TEAD4: variants seen among roughly 807,000 people sequenced by gnomAD.
TEAD4 encodes TEA domain transcription factor 4, also known as transcriptional enhancer factor TEF-3.
TEAD4 carries 36 observed loss-of-function variants against 52.4 expected under a neutral mutation model. The ratio of observed to expected loss-of-function variants is 0.69; its 90% CI spans 0.53 to 0.91. The LOEUF (loss-of-function observed/expected upper bound fraction) is 0.91, where lower values mean the gene tolerates loss of function less well. Among genes scored for constraint, TEAD4 ranks in the 40% least tolerant of loss-of-function variants. The pLI, the probability that TEAD4 is intolerant of heterozygous loss-of-function variation, is 0.00. For missense variants in TEAD4, 508 were observed against 583.9 expected (o/e 0.87, Z 1.34); for synonymous variants, 220 against 231.0 (o/e 0.95, Z 0.43).
At chr12:2,970,684 C>T (rs1318980114) in intron 2 of TEAD4, among the ~76,000 whole-genome samples, 1 of 152,188 alleles carries the variant, frequency 6.6e-6, no homozygotes, top group Non-Finnish European at 1.5e-5. Flanking sequence ...CTACTCTTTG[C>T]TGTGAAGAGC....
chr12:3,040,652 C>A lies in TEAD4; in HGVS notation c.*174C>A. 1 of 621,032 alleles carries A rather than the reference C, an allele frequency of 1.6e-6. No individual in the cohort carries two copies. Among genetic ancestry groups the A allele is most frequent in the Non-Finnish European group, 2.9e-6 (1 of 348,210 alleles). The allele number at this position is 621,032 out of a possible 1,614,324, so 38.5% of individuals were successfully genotyped here. ...TGAGGTGCCCAACCCCAAATAAACC[C>A]AAGATGCTGTGTATTTTCAGAGGAC... is the stretch of plus-strand genomic sequence containing the variant. On this transcript the variant is annotated 3_prime_UTR_variant, in exon 13 of 13. Coordinates refer to ENST00000359864, the MANE Select transcript of TEAD4 (RefSeq NM_003213.4).
chr12:2,976,587 T>C (rs1337382828), intron 2 of TEAD4, among the ~76,000 whole-genome samples: 1 of 152,224 alleles, frequency 6.6e-6, no homozygotes, highest in Admixed American at 6.5e-5. Flanking sequence ...AAGGCCTCTG[T>C]TCACCACTTG....
intron 2 of TEAD4, among the ~76,000 whole-genome samples, chr12:2,984,569 C>T (rs995589031): frequency 2.0e-5 from 3 of 152,150 alleles, no homozygotes; most frequent in East Asian, 3.8e-4. Context: ...TGTCTCTTGG[C>T]GATTTCATCC....
At chr12:2,993,285 G>C (rs11062445) in intron 2 of TEAD4, among the ~76,000 whole-genome samples, 45,734 of 151,682 alleles carry the variant, frequency 0.3, 9,816 homozygotes, top group African/African-American at 0.6. Context: ...CGAGCTCCTG[G>C]TAACCACCAT....
intron 2 of TEAD4, among the ~76,000 whole-genome samples, chr12:2,993,962 C>A (rs147416105): frequency 2.3e-3 from 357 of 152,336 alleles, no homozygotes; most frequent in Non-Finnish European, 3.9e-3. Flanking sequence ...TTCATGCATT[C>A]ATCCATTGAT....
intron 2 of TEAD4, among the ~76,000 whole-genome samples, chr12:2,977,758 G>A (rs941367749): frequency 2.0e-5 from 3 of 152,146 alleles, no homozygotes; most frequent in Non-Finnish European, 2.9e-5. Flanking sequence ...GGCCTTTCCC[G>A]AGAACTTGTT....
rs1410988798 is a variant in TEAD4 at position 3,020,765 on chromosome 12, C to G, written c.715C>G (p.Pro239Ala). ...TGCCTTCCTGGAGCAGCAGCAGGAC[C>G]CGGACACGGTAGGTCCTGGCCTCTG... Residue 239 changes from proline to alanine, a missense_variant, in exon 9 of 13, where the codon CCG becomes GCG. Transcript: ENST00000359864. 1.9e-6 allele frequency: 3 copies of G among 1,605,570 alleles called. No homozygotes were observed. The highest frequency in any genetic ancestry group is 2.6e-6 in the Non-Finnish European group (3 of 1,175,838).
chr12:3,038,405 C>T (rs1380973933), intron 11 of TEAD4, among the ~76,000 whole-genome samples: 1 of 152,196 alleles, frequency 6.6e-6, no homozygotes, highest in Non-Finnish European at 1.5e-5. Flanking sequence ...GGGCATCTAC[C>T]TAGTCCAGCC....
chr12:2,985,400 C>CA (rs974724145), intron 2 of TEAD4, among the ~76,000 whole-genome samples: 6 of 149,550 alleles, frequency 4.0e-5, no homozygotes, highest in African/African-American at 1.5e-4. Context: ...AAACAAAAAA[C>CA]AAAAAACAAA....
intron 10 of TEAD4, among the ~76,000 whole-genome samples, chr12:3,036,895 A>G (rs763190890): frequency 4.6e-5 from 7 of 152,046 alleles, no homozygotes; most frequent in Admixed American, 1.3e-4. Flanking sequence ...GTTTGGGACA[A>G]GTATTGGGGT....
chr12:2,985,136 G>A (rs528382970), intron 2 of TEAD4, among the ~76,000 whole-genome samples: 1 of 152,220 alleles, frequency 6.6e-6, no homozygotes, highest in East Asian at 1.9e-4. Flanking sequence ...TGTAATCCCA[G>A]CACTTTGGGA....
chr12:3,024,604 C>G (rs1002490527), intron 10 of TEAD4, among the ~76,000 whole-genome samples: 4 of 152,062 alleles, frequency 2.6e-5, no homozygotes, highest in Non-Finnish European at 5.9e-5. Flanking sequence ...TTGCAGTGAG[C>G]CAAAATCGCA....
intron 2 of TEAD4, among the ~76,000 whole-genome samples, chr12:2,978,207 A>G (rs2098231284): frequency 6.6e-6 from 1 of 151,834 alleles, no homozygotes; most frequent in Non-Finnish European, 1.5e-5. Flanking sequence ...GCTTTAAACA[A>G]TTTTTTTGGT....
At chr12:2,979,182 C>T (rs2153953530) in intron 2 of TEAD4, among the ~76,000 whole-genome samples, 1 of 152,326 alleles carries the variant, frequency 6.6e-6, no homozygotes, top group African/African-American at 2.4e-5. Context: ...TCCCAAAGTG[C>T]TGGGATTACA....
intron 3 of TEAD4, among the ~76,000 whole-genome samples, chr12:2,996,127 G>A (rs2098246930): frequency 6.6e-6 from 1 of 152,170 alleles, no homozygotes; most frequent in Non-Finnish European, 1.5e-5. Flanking sequence ...GTGGTCTTGG[G>A]GCAGGAGTGA....
intron 3 of TEAD4, among the ~76,000 whole-genome samples, chr12:2,999,915 T>C (rs1330403803): frequency 1.3e-5 from 2 of 152,192 alleles, no homozygotes; most frequent in East Asian, 3.9e-4. Context: ...CCTTTCTGCC[T>C]CCTGTGCTTC....
intron 2 of TEAD4, among the ~76,000 whole-genome samples, chr12:2,960,925 T>C (rs1452374701): frequency 6.6e-6 from 1 of 152,156 alleles, no homozygotes; most frequent in Non-Finnish European, 1.5e-5. Context: ...CCGTTTCCCC[T>C]GGACCGGGCA....
chr12:3,011,754 T>C (rs566948407), intron 4 of TEAD4, among the ~76,000 whole-genome samples: 1 of 152,004 alleles, frequency 6.6e-6, no homozygotes, highest in South Asian at 2.1e-4. Context: ...CAACCTCCGC[T>C]TCCCAGGTTC....
intron 2 of TEAD4, among the ~76,000 whole-genome samples, chr12:2,989,945 GT>G (rs1377357898): frequency 6.6e-6 from 1 of 152,178 alleles, no homozygotes; most frequent in Non-Finnish European, 1.5e-5. Context: ...ATTGCCTGCT[GT>G]TTTCTCTTCA....
Sources: gnomAD v4.1 joint callset for allele counts (sites outside exome capture counted in the v4.1 genomes callset) on GRCh38, gnomAD v4.1.1 for gene constraint, MANE v1.5 for transcripts, NCBI Gene and HGNC (gene_info 2026-07-23, HGNC 2026-07-21) for gene names.